Variants in PCNX2 observed in about 807,000 individuals in gnomAD.
The protein encoded by PCNX2 is pecanex-like protein 2.
PCNX2 carries 168 observed loss-of-function variants against 223.8 expected under a neutral mutation model. The observed-to-expected ratio is 0.75, with a 90% CI of 0.66 to 0.85. The LOEUF (loss-of-function observed/expected upper bound fraction) is 0.85, where lower values mean the gene tolerates loss of function less well. Ranked by LOEUF, PCNX2 falls within the 40% of genes least tolerant of loss-of-function variation. PCNX2 has a pLI of 0.00. For synonymous variants in PCNX2, 1,006 were observed against 1,052.6 expected, an observed-to-expected ratio of 0.96 and a Z score of 0.86; for missense variants, 2,507 against 2,675.5, an observed-to-expected ratio of 0.94 and a Z score of 1.39.
At chr1:233,202,826 A>T (rs1158590955) in intron 13 of PCNX2, among the ~76,000 whole-genome samples, 2 of 152,230 alleles carry the variant, frequency 1.3e-5, no homozygotes, top group Non-Finnish European at 2.9e-5. Context: ...AAAAAAACAC[A>T]GAGCAGAGGC....
In PCNX2 at chr1:233,111,830, G is replaced by C. The variant is rs535174393; in HGVS notation, c.3838-15967C>G. 5.9e-5 allele frequency among the ~76,000 whole-genome samples: 9 copies of C among 152,284 alleles called. No individual in the cohort carries two copies. In the South Asian group the frequency reaches 1.5e-3, roughly 25 times the overall value. ...CTAGAAGATTTGTAGGATCATAGTA[G>C]GTATTTCAGTTAATGCTTTTCAGAA... On this transcript the variant is annotated intron_variant, in intron 21 of 33. Transcript: ENST00000258229.
chr1:233,159,647 C>G (rs1433548875), intron 19 of PCNX2, among the ~76,000 whole-genome samples: 1 of 152,184 alleles, frequency 6.6e-6, no homozygotes, highest in Non-Finnish European at 1.5e-5. Context: ...AAGGAAAGAT[C>G]TAGCAGAAAA....
chr1:233,257,309 A>G (rs1436768749), intron 5 of PCNX2, among the ~76,000 whole-genome samples: 5 of 151,992 alleles, frequency 3.3e-5, no homozygotes, highest in Non-Finnish European at 5.9e-5. Flanking sequence ...TCCGAAGAAC[A>G]GGAAGGATGA....
At chr1:233,179,326 G>T (rs994622255) in intron 15 of PCNX2, 151 bp from the exon 16 acceptor site, 20 of 383,930 alleles carry the variant, frequency 5.2e-5, no homozygotes, top group Non-Finnish European at 7.1e-5. Flanking sequence ...AGCATCTGGT[G>T]GGCACACAAA....
At chr1:233,099,864 G>T (rs560419448) in intron 21 of PCNX2, among the ~76,000 whole-genome samples, 4 of 152,088 alleles carry the variant, frequency 2.6e-5, no homozygotes, top group Non-Finnish European at 4.4e-5. Context: ...AAGCAGGGCC[G>T]CAAGCACTAT....
At chr1:233,132,884 T>G (rs2102762092) in intron 21 of PCNX2, among the ~76,000 whole-genome samples, 1 of 151,246 alleles carries the variant, frequency 6.6e-6, no homozygotes, top group Admixed American at 6.6e-5. Context: ...CTCTGGCACA[T>G]TTTACATCTT....
Position 233,095,872 on chromosome 1 carries a change from A to G in PCNX2, c.3838-9T>C. On this transcript the variant is annotated splice_polypyrimidine_tract_variant and intron_variant, in intron 21 of 33. Transcript: ENST00000258229. ...TGAAGCAGGTCCCCGAGCTGAAAGTAAAAGAAAAAAAATTCATCAGAGAGG... is the reference window on the plus strand; with the variant it reads ...TGAAGCAGGTCCCCGAGCTGAAAGTGAAAGAAAAAAAATTCATCAGAGAGG... 1 of 1,573,292 alleles carries G rather than the reference A, an allele frequency of 6.4e-7. No individual in the cohort carries two copies. Among genetic ancestry groups the G allele is most frequent in the Non-Finnish European group, 8.7e-7 (1 of 1,151,112 alleles).
chr1:233,018,525 T>A (rs964961856), intron 26 of PCNX2, among the ~76,000 whole-genome samples: 1 of 152,202 alleles, frequency 6.6e-6, no homozygotes, highest in Admixed American at 6.5e-5. Context: ...GTAACAGCTT[T>A]GTGGAAAGCC....
intron 25 of PCNX2, among the ~76,000 whole-genome samples, chr1:233,027,132 A>G (rs1671106570): frequency 6.6e-6 from 1 of 152,312 alleles, no homozygotes; most frequent in South Asian, 2.1e-4. Context: ...GTCCCAAAAG[A>G]CAAGTGAAAA....
At chr1:233,217,241 A>T (rs1239525522) in intron 12 of PCNX2, among the ~76,000 whole-genome samples, 1 of 152,210 alleles carries the variant, frequency 6.6e-6, no homozygotes, top group Non-Finnish European at 1.5e-5. Flanking sequence ...AATGATAACT[A>T]TATGTGGTTA....
At chr1:233,010,967 G>A (rs1670447111) in intron 28 of PCNX2, among the ~76,000 whole-genome samples, 1 of 152,168 alleles carries the variant, frequency 6.6e-6, no homozygotes, top group South Asian at 2.1e-4. Flanking sequence ...TTTAAGACCT[G>A]CCTGGAGAGT....
chr1:233,326,207 TG>T, the PCNX2 span, among the ~76,000 whole-genome samples: 1 of 152,248 alleles, frequency 6.6e-6, no homozygotes, highest in Non-Finnish European at 1.5e-5. Context: ...ATATATGCAC[TG>T]GGAAATCAAA....
chr1:233,322,210 A>G, the PCNX2 span, among the ~76,000 whole-genome samples: 1 of 151,896 alleles, frequency 6.6e-6, no homozygotes, highest in South Asian at 2.1e-4. Flanking sequence ...TCTTGCCACC[A>G]TCTGTTTAAA....
Position 232,983,974 on chromosome 1 carries a change from T to C in PCNX2, c.*330A>G, listed in dbSNP as rs542679176. The C allele has an allele frequency of 6.4e-4, 136 of 213,832 alleles. 1 individual carries two copies. In the East Asian group the frequency reaches 9.2e-3, roughly 15 times the overall value. The allele number at this position is 213,832 out of a possible 1,614,324, so 13.2% of individuals were successfully genotyped here. A position where few individuals can be genotyped will look rare whatever the true frequency, so the allele number is the denominator to read the frequency against. ...GAATGGCTTTTGAGATTTCAGATTC[T>C]GGAACATGTGTGGTGCTGTCCGCGG... On this transcript the variant is annotated 3_prime_UTR_variant, in exon 34 of 34. Coordinates refer to ENST00000258229, the MANE Select transcript of PCNX2 (RefSeq NM_014801.4).
chr1:233,134,762 G>A, intron 21 of PCNX2: 2 of 545,104 alleles, frequency 3.7e-6, no homozygotes, highest in South Asian at 2.6e-5. Context: ...AGAGAAGAAG[G>A]TAATAAAATT....
intron 17 of PCNX2, among the ~76,000 whole-genome samples, chr1:233,168,115 G>T (rs1170845033): frequency 6.6e-6 from 1 of 152,036 alleles, no homozygotes; most frequent in Non-Finnish European, 1.5e-5. Context: ...TTACAAAAAT[G>T]AGTGTGAAAG....
intron 21 of PCNX2, among the ~76,000 whole-genome samples, chr1:233,105,373 A>C (rs1674706660): frequency 6.6e-6 from 1 of 152,210 alleles, no homozygotes; most frequent in African/African-American, 2.4e-5. Context: ...CATCCCTTAC[A>C]AACTAGTAAT....
In PCNX2 at chr1:233,295,287, A is replaced by T; in HGVS notation, c.153+39T>A. On this transcript the variant is annotated intron_variant, in intron 1 of 33. Transcript: ENST00000258229. The surrounding 1 kb of genome is among the most constrained non-coding windows in gnomAD (Gnocchi z 4.1). ...TGGTTCCTTTCTCCTTCTTCCCTCC[A>T]TACCCACAGCTCCCCGGGACCGGAC... The T allele has an allele frequency of 6.4e-7, 1 of 1,563,270 alleles. No individual in the cohort carries two copies. The highest frequency in any genetic ancestry group is 8.7e-7 in the Non-Finnish European group (1 of 1,153,752).
intron 19 of PCNX2, among the ~76,000 whole-genome samples, chr1:233,145,658 C>G (rs374238306): frequency 6.6e-6 from 1 of 152,088 alleles, no homozygotes; most frequent in African/African-American, 2.4e-5. Context: ...CCGGAGGCTG[C>G]CAGGGGCAGG....
Sources: allele counts gnomAD v4.1 joint callset (sites outside exome capture counted in the v4.1 genomes callset), GRCh38; gene constraint gnomAD v4.1.1; non-coding constraint Gnocchi (gnomAD v3.1); transcripts MANE v1.5; gene names NCBI Gene and HGNC (gene_info 2026-07-23, HGNC 2026-07-21).